PXDN: variants seen among roughly 807,000 people sequenced by gnomAD.
The protein encoded by PXDN is peroxidasin homolog.
A neutral mutation model predicts 140.3 loss-of-function variants in PXDN; 77 were observed. That is an observed-to-expected ratio of 0.55 (90% CI 0.46 to 0.66). The LOEUF (loss-of-function observed/expected upper bound fraction) is 0.66, where lower values mean the gene tolerates loss of function less well. Among genes scored for constraint, PXDN ranks in the 30% least tolerant of loss-of-function variants. PXDN has a pLI of 0.00. For missense variants in PXDN, 1,838 were observed against 2,039.5 expected (o/e 0.90, Z 1.90); for synonymous variants, 911 against 857.4 (o/e 1.06, Z -1.09).
In PXDN at chr2:1,668,603, C is replaced by CAA. The variant is rs144731732; in HGVS notation, c.1019-2119_1019-2118dup. 6.9e-3 allele frequency among the ~76,000 whole-genome samples: 939 copies of CAA among 136,266 alleles called. 13 individuals carry two copies. The highest frequency in any genetic ancestry group is 0.022 in the African/African-American group (830 of 37,526). The allele number at this position is 136,266 out of a possible 152,430, so 89.4% of individuals were successfully genotyped here. On this transcript the variant is annotated intron_variant, in intron 9 of 22. Coordinates refer to ENST00000252804, the MANE Select transcript of PXDN (RefSeq NM_012293.3). ...TCTACAAGGAACTTAAACAAATTTACAAAAAAAAAAAACAACCCCATCTAA... is the reference window on the plus strand; with the variant it reads ...TCTACAAGGAACTTAAACAAATTTACAAAAAAAAAAAAAACAACCCCATCTAA...
intron 9 of PXDN, 49 bp from the exon 10 acceptor site, chr2:1,666,535 T>C: frequency 6.5e-7 from 1 of 1,529,088 alleles, no homozygotes; most frequent in Admixed American, 2.0e-5. Context: ...CGGTTTGACA[T>C]GGTTTTTGCT....
chr2:1,683,766 A>T (rs1436036017), intron 5 of PXDN, 39 bp from the exon 6 acceptor site: 2 of 1,477,514 alleles, frequency 1.4e-6, no homozygotes, highest in African/African-American at 2.8e-5. Context: ...ATTTTGAAAA[A>T]TATTTCTTAA....
Position 1,653,034 on chromosome 2 carries a change from A to G in PXDN, c.2104+594T>C, listed in dbSNP as rs77408382. On this transcript the variant is annotated intron_variant, in intron 16 of 22. Coordinates refer to ENST00000252804, the MANE Select transcript of PXDN (RefSeq NM_012293.3). ...TTACATGAGAAAGTCAGGGTCTTCT[A>G]TGGGTTCATCAATAGTACTACTACC... The G allele has an allele frequency of 7.1e-5, 13 of 183,984 alleles. No homozygotes were observed. In the East Asian group the frequency reaches 1.3e-3, roughly 19 times the overall value. The allele number at this position is 183,984 out of a possible 1,614,324, so 11.4% of individuals were successfully genotyped here.
rs1280699446 is a variant in PXDN at position 1,651,909 on chromosome 2, G to C, written c.2104+1719C>G. ...TTTATTTCTTCCGTTTGTGACTGTAGGCCCTGGCCCAGGACAATGACTGGC... is the reference window on the plus strand; with the variant it reads ...TTTATTTCTTCCGTTTGTGACTGTACGCCCTGGCCCAGGACAATGACTGGC... On this transcript the variant is annotated intron_variant, in intron 16 of 22. Coordinates refer to ENST00000252804, the MANE Select transcript of PXDN (RefSeq NM_012293.3). The surrounding 1 kb of genome is among the most constrained non-coding windows in gnomAD (Gnocchi z 4.4). Among the ~76,000 whole-genome samples the C allele has an allele frequency of 6.6e-6, 1 of 152,200 alleles. No individual in the cohort carries two copies. Among genetic ancestry groups the C allele is most frequent in the Non-Finnish European group, 1.5e-5 (1 of 68,048 alleles).
intron 1 of PXDN, among the ~76,000 whole-genome samples, chr2:1,737,252 T>C (rs1352592220): frequency 6.6e-6 from 1 of 152,162 alleles, no homozygotes; most frequent in Non-Finnish European, 1.5e-5. Flanking sequence ...CTAGTCTCCT[T>C]GGAGTTCTGT....
chr2:1,660,983 A>C lies in PXDN; in HGVS notation c.1735T>G (p.Leu579Val). The C allele has an allele frequency of 6.2e-7, 1 of 1,614,068 alleles. No individual in the cohort carries two copies. Among genetic ancestry groups the C allele is most frequent in the South Asian group, 1.1e-5 (1 of 91,086 alleles). ...GKFHISPEGF[L>V]TINDVGPADA... is the part of the protein sequence containing the mutation. ...GCAGGGCCAACGTCATTGATGGTCAAGAATCCTTCAGGGCTGATGTGAAAT... is the reference window on the plus strand; with the variant it reads ...GCAGGGCCAACGTCATTGATGGTCACGAATCCTTCAGGGCTGATGTGAAAT... The change falls in exon 14 of 23, where the codon TTG becomes GTG. Residue 579 changes from leucine (L) to valine (V), a missense_variant. Physicochemically the swap from Leu to Val is conservative, Grantham distance 32 (BLOSUM62 1). Coordinates refer to ENST00000252804, the MANE Select transcript of PXDN (RefSeq NM_012293.3). This position sits in a 1 kb window ranked among gnomAD's most constrained non-coding sequence, Gnocchi z 4.6.
chr2:1,675,976 G>A (rs1307186265), intron 8 of PXDN, among the ~76,000 whole-genome samples: 1 of 152,158 alleles, frequency 6.6e-6, no homozygotes, highest in Non-Finnish European at 1.5e-5. Context: ...GATGGGAGAA[G>A]GTAGGACATG....
intron 1 of PXDN, among the ~76,000 whole-genome samples, chr2:1,739,975 G>C (rs1003001640): frequency 6.6e-6 from 1 of 152,196 alleles, no homozygotes. Flanking sequence ...GCACCTGCAG[G>C]ACTGTCCCAG....
intron 7 of PXDN, among the ~76,000 whole-genome samples, chr2:1,677,749 G>A (rs1306217775): frequency 6.6e-6 from 1 of 152,236 alleles, no homozygotes; most frequent in African/African-American, 2.4e-5. Flanking sequence ...CCCCTCAGCA[G>A]CCATGAGGGA....
chr2:1,704,605 G>C (rs1317971261), intron 1 of PXDN, among the ~76,000 whole-genome samples: 4 of 91,768 alleles, frequency 4.4e-5, no homozygotes, highest in Non-Finnish European at 8.1e-5. Flanking sequence ...GGTGAAGGGG[G>C]GCAGCTCCAG....
At chr2:1,658,162 G>A (rs1431062880) in intron 14 of PXDN, among the ~76,000 whole-genome samples, 1 of 150,722 alleles carries the variant, frequency 6.6e-6, no homozygotes, top group Non-Finnish European at 1.5e-5. Context: ...CCCGGCCTCT[G>A]AGGCTGCAGC....
chr2:1,653,474 A>T, intron 16 of PXDN, 154 bp downstream of exon 16: 1 of 1,164,096 alleles, frequency 8.6e-7, no homozygotes, highest in South Asian at 1.3e-5. Flanking sequence ...GTAGGGCTCA[A>T]GAGGAATCAC....
chr2:1,726,523 T>C (rs2125485816), intron 1 of PXDN, among the ~76,000 whole-genome samples: 1 of 152,096 alleles, frequency 6.6e-6, no homozygotes, highest in Admixed American at 6.5e-5. Context: ...GGCACATGTA[T>C]ACATATGTAA....
rs368483833 is a variant in PXDN at position 1,651,420 on chromosome 2, G to A, written c.2105-1745C>T. On this transcript the variant is annotated intron_variant, in intron 16 of 22. Transcript: ENST00000252804. This position sits in a 1 kb window ranked among gnomAD's most constrained non-coding sequence, Gnocchi z 4.4. ...ATCTGTCCTCACCCCATGCAGAGTGGTCACCCAGCCCGATGCTTGAAAATG... is the reference window on the plus strand; with the variant it reads ...ATCTGTCCTCACCCCATGCAGAGTGATCACCCAGCCCGATGCTTGAAAATG... Among the ~76,000 whole-genome samples, 1 of 152,176 alleles carries A rather than the reference G, an allele frequency of 6.6e-6. No individual in the cohort carries two copies. Among genetic ancestry groups the A allele is most frequent in the Non-Finnish European group, 1.5e-5 (1 of 68,024 alleles).
chr2:1,648,316 G>T lies in PXDN; in HGVS notation c.3464C>A (p.Ala1155Glu), dbSNP rs777667769. The T allele has an allele frequency of 5.0e-6, 8 of 1,613,672 alleles. No homozygotes were observed. Among genetic ancestry groups the T allele is most frequent in the Admixed American group, 1.7e-5 (1 of 59,996 alleles). Reference protein sequence around the residue: ...SMAHTVALDLAAINIQRGRDH... With the variant: ...SMAHTVALDLEAINIQRGRDH... ...CCGGCCCCGCTGGATGTTGATGGCC[G>T]CCAGGTCCAGAGCCACCGTGTGTGC... is the stretch of plus-strand genomic sequence containing the variant. Residue 1155 changes from alanine (A) to glutamate (E), a missense_variant, in exon 17 of 23, where the codon GCG (alanine) becomes GAG (glutamate). Transcript: ENST00000252804. This position sits in a 1 kb window ranked among gnomAD's most constrained non-coding sequence, Gnocchi z 8.9.
rs907993937 is a variant in PXDN, at chr2:1,660,740, G to A, written c.1837+141C>T. On this transcript the variant is annotated intron_variant, in intron 14 of 22. Transcript: ENST00000252804. This position sits in a 1 kb window ranked among gnomAD's most constrained non-coding sequence, Gnocchi z 4.6. The stretch of plus-strand genomic sequence containing the variant: ...CAGCCCGGCCATGCATCAGGAGAGT[G>A]TCCCCACCTGGGAATCAAGGGTGCT... 8.4e-5 allele frequency: 95 copies of A among 1,137,170 alleles called. No homozygotes were observed. The African/African-American group carries it at 1.2e-3, about 15-fold the overall frequency. 70.4% of individuals were successfully genotyped at this position (1,137,170 alleles called of 1,614,324 possible).
intron 14 of PXDN, among the ~76,000 whole-genome samples, chr2:1,656,748 C>T (rs1465897627): frequency 2.6e-5 from 4 of 151,260 alleles, no homozygotes; most frequent in Non-Finnish European, 4.4e-5. Flanking sequence ...GGGACCTGCC[C>T]CCTCAGTACT....
At chr2:1,652,429 C>T (rs536375577) in intron 16 of PXDN, among the ~76,000 whole-genome samples, 1 of 152,248 alleles carries the variant, frequency 6.6e-6, no homozygotes, top group African/African-American at 2.4e-5. Flanking sequence ...TCTCCCCCTG[C>T]ACCTGACAAG....
chr2:1,723,573 A>G (rs1685104819), intron 1 of PXDN, among the ~76,000 whole-genome samples: 2 of 152,058 alleles, frequency 1.3e-5, no homozygotes, highest in Non-Finnish European at 2.9e-5. Context: ...TGGACTAATG[A>G]ACGGATGGAT....
Sources: gnomAD v4.1 joint callset for allele counts (sites outside exome capture counted in the v4.1 genomes callset) on GRCh38, gnomAD v4.1.1 for gene constraint, Gnocchi (gnomAD v3.1) non-coding constraint, MANE v1.5 for transcripts, NCBI Gene and HGNC (gene_info 2026-07-23, HGNC 2026-07-21) for gene names.